The following MAML3 variants were observed in gnomAD, a reference collection of about 807,000 sequenced individuals.
The protein encoded by MAML3 is mastermind-like protein 3.
In MAML3, 27 loss-of-function variants were observed where a neutral mutation model predicts 101.9. The observed-to-expected ratio is 0.27, with a 90% CI of 0.20 to 0.37. The LOEUF (loss-of-function observed/expected upper bound fraction) is 0.37, where lower values mean the gene tolerates loss of function less well. Ranked by LOEUF, MAML3 falls within the 10% of genes least tolerant of loss-of-function variation. The pLI, the probability that MAML3 is intolerant of heterozygous loss-of-function variation, is 1.00. For missense variants in MAML3, 1,316 were observed against 1,444.9 expected (o/e 0.91, Z 1.45); for synonymous variants, 501 against 555.9 (o/e 0.90, Z 1.39).
chr4:140,067,389 G>C (rs949218411), intron 1 of MAML3, among the ~76,000 whole-genome samples: 2 of 152,184 alleles, frequency 1.3e-5, no homozygotes, highest in African/African-American at 4.8e-5. Flanking sequence ...TTCTAGAGAA[G>C]TGCTTGGGAT....
chr4:139,780,267 G>A (rs1309343338), intron 2 of MAML3, among the ~76,000 whole-genome samples: 1 of 152,242 alleles, frequency 6.6e-6, no homozygotes, highest in East Asian at 1.9e-4. Flanking sequence ...CTCAATTGGT[G>A]CCAGGAGGCC....
intron 1 of MAML3, among the ~76,000 whole-genome samples, chr4:140,105,589 A>G (rs1324778823): frequency 2.6e-5 from 4 of 152,236 alleles, no homozygotes; most frequent in Admixed American, 6.5e-5. Context: ...TTCAAGTTAG[A>G]TCGCACTCAT....
intron 2 of MAML3, among the ~76,000 whole-genome samples, chr4:139,842,868 T>C (rs940152108): frequency 7.6e-6 from 1 of 132,070 alleles, no homozygotes; most frequent in Non-Finnish European, 1.6e-5. Context: ...AACCTCCGCC[T>C]CCTGGTTCAA....
chr4:139,952,002 A>G (rs1187174044), intron 1 of MAML3, among the ~76,000 whole-genome samples: 1 of 152,142 alleles, frequency 6.6e-6, no homozygotes, highest in African/African-American at 2.4e-5. Flanking sequence ...TGTCTCTACT[A>G]AAAATACAAA....
chr4:140,062,923 G>A (rs575873945), intron 1 of MAML3, among the ~76,000 whole-genome samples: 2 of 152,310 alleles, frequency 1.3e-5, no homozygotes, highest in South Asian at 4.1e-4. Context: ...ACACGTTTCT[G>A]TAGTTTACAA....
intron 2 of MAML3, among the ~76,000 whole-genome samples, chr4:139,853,103 A>G (rs759955353): frequency 6.6e-6 from 1 of 152,228 alleles, no homozygotes; most frequent in Non-Finnish European, 1.5e-5. Context: ...AAAGTGATTC[A>G]GTTACAGAAC....
In MAML3 at chr4:140,041,516, C is replaced by T. The variant is rs140133075; in HGVS notation, c.468+111344G>A. Among the ~76,000 whole-genome samples, 781 of 152,088 alleles carry T rather than the reference C, an allele frequency of 5.1e-3. 10 individuals carry two copies. Among genetic ancestry groups the T allele is most frequent in the African/African-American group, 0.017 (708 of 41,482 alleles). ...GTGCACACCTGTAATCTCAGCTGCT[C>T]GGGAGGCTAAGGCAGACCAGGTTGA... On this transcript the variant is annotated intron_variant, in intron 1 of 4. Coordinates refer to ENST00000509479, the MANE Select transcript of MAML3 (RefSeq NM_018717.5).
intron 1 of MAML3, among the ~76,000 whole-genome samples, chr4:140,008,319 C>T (rs985664784): frequency 6.6e-6 from 1 of 152,016 alleles, no homozygotes; most frequent in African/African-American, 2.4e-5. Context: ...TGCACTCCAG[C>T]CTGGGCAAGA....
intron 1 of MAML3, among the ~76,000 whole-genome samples, chr4:140,151,691 G>GT (rs751926739): frequency 1.6e-4 from 1 of 6,180 alleles, no homozygotes; most frequent in Non-Finnish European, 3.2e-4. Flanking sequence ...GGCGCGGTGC[G>GT]GGGGGGGGGG....
chr4:139,728,518 G>C (rs1189907740), intron 3 of MAML3, among the ~76,000 whole-genome samples: 2 of 152,242 alleles, frequency 1.3e-5, no homozygotes, highest in African/African-American at 4.8e-5. Context: ...CAGATGAAGA[G>C]GGAAGTTAGT....
chr4:139,998,163 C>A (rs1331396288), intron 1 of MAML3, among the ~76,000 whole-genome samples: 2 of 152,130 alleles, frequency 1.3e-5, no homozygotes, highest in Admixed American at 6.5e-5. Context: ...TTTCACAAGT[C>A]TCTCAGGCTC....
intron 1 of MAML3, among the ~76,000 whole-genome samples, chr4:139,948,315 C>A (rs1378566882): frequency 6.6e-6 from 1 of 152,034 alleles, no homozygotes; most frequent in Non-Finnish European, 1.5e-5. Flanking sequence ...AGTTGATGGG[C>A]CTTTAGGGAA....
chr4:139,863,619 G>A (rs999010770), intron 2 of MAML3, among the ~76,000 whole-genome samples: 4 of 152,038 alleles, frequency 2.6e-5, no homozygotes, highest in African/African-American at 9.7e-5. Flanking sequence ...TTACAGGTGT[G>A]AGCCACCGTG....
chr4:139,782,747 C>A (rs960052531), intron 2 of MAML3, among the ~76,000 whole-genome samples: 4 of 152,174 alleles, frequency 2.6e-5, no homozygotes, highest in Admixed American at 2.6e-4. Context: ...CACCCAGAAC[C>A]TGCAATGTCT....
chr4:139,887,477 A>G (rs1732367716), intron 2 of MAML3, among the ~76,000 whole-genome samples: 1 of 152,246 alleles, frequency 6.6e-6, no homozygotes, highest in Non-Finnish European at 1.5e-5. Context: ...GCTCTTTCAA[A>G]ACATGACCTC....
intron 1 of MAML3, among the ~76,000 whole-genome samples, chr4:139,968,406 C>T (rs927180499): frequency 2.0e-5 from 3 of 151,874 alleles, no homozygotes; most frequent in Non-Finnish European, 4.4e-5. Context: ...TTAAACAACA[C>T]TAGGGACTCA....
At chr4:140,079,047 G>A (rs1560886992) in intron 1 of MAML3, among the ~76,000 whole-genome samples, 1 of 152,154 alleles carries the variant, frequency 6.6e-6, no homozygotes, top group Non-Finnish European at 1.5e-5. Context: ...TCCCATGCTG[G>A]AGTTGATAAG....
At chr4:139,922,414 G>A (rs1733146013) in intron 1 of MAML3, among the ~76,000 whole-genome samples, 1 of 152,128 alleles carries the variant, frequency 6.6e-6, no homozygotes, top group African/African-American at 2.4e-5. Flanking sequence ...TACAGGCAGA[G>A]AGAAGAAGGC....
Position 139,719,280 on chromosome 4 carries a change from A to G in MAML3, c.*43T>C, listed in dbSNP as rs769252792. ...ACATCCTGTTTCTTTTTCACTTTTT[A>G]AGCTTTAACCACTCGAGTTGTGGAT... On this transcript the variant is annotated 3_prime_UTR_variant, in exon 5 of 5. Transcript: ENST00000509479. The G allele has an allele frequency of 9.9e-6, 15 of 1,518,194 alleles. No homozygotes were observed. The South Asian group carries it at 1.7e-4, about 17-fold the overall frequency. The allele number at this position is 1,518,194 out of a possible 1,614,324, so 94.0% of individuals were successfully genotyped here.
Sources: gnomAD v4.1 joint callset for allele counts (sites outside exome capture counted in the v4.1 genomes callset) on GRCh38, gnomAD v4.1.1 for gene constraint, MANE v1.5 for transcripts, NCBI Gene and HGNC (gene_info 2026-07-23, HGNC 2026-07-21) for gene names.